CCDC171: variants seen among roughly 807,000 people sequenced by gnomAD.
The protein encoded by CCDC171 is coiled-coil domain-containing protein 171.
A neutral mutation model predicts 168.2 loss-of-function variants in CCDC171; 177 were observed. That is an observed-to-expected ratio of 1.05 (90% CI 0.93 to 1.19). CCDC171 has a LOEUF of 1.19. Among genes scored for constraint, CCDC171 ranks in the 50% most tolerant of loss-of-function variants. The pLI is 0.00. For missense variants in CCDC171, 1,991 were observed against 1,539.0 expected, an observed-to-expected ratio of 1.29 and a Z score of -4.91; for synonymous variants, 687 against 540.8, an observed-to-expected ratio of 1.27 and a Z score of -3.75.
chr9:15,848,877 C>A lies in CCDC171; in HGVS notation c.3414-16C>A, dbSNP rs202202939. 1.8e-5 allele frequency: 27 copies of A among 1,502,744 alleles called. No homozygotes were observed. The African/African-American group carries it at 3.2e-4, about 18-fold the overall frequency. The allele number at this position is 1,502,744 out of a possible 1,614,324, so 93.1% of individuals were successfully genotyped here. ...GGTTTGAGTTTTACTAACACTTAAT[C>A]TTTTATTTTTTCTAGAGACAAAGAA... is the stretch of plus-strand genomic sequence containing the variant. On this transcript the variant is annotated splice_polypyrimidine_tract_variant and intron_variant, in intron 22 of 25. Transcript: ENST00000380701.
rs189950407 is a variant in CCDC171, at chr9:15,615,479, G to A, written c.676-7788G>A. 1.8e-4 allele frequency among the ~76,000 whole-genome samples: 28 copies of A among 152,242 alleles called. No individual in the cohort carries two copies. In the East Asian group the frequency reaches 4.1e-3, roughly 22 times the overall value. On this transcript the variant is annotated intron_variant, in intron 6 of 25. Coordinates refer to ENST00000380701, the MANE Select transcript of CCDC171 (RefSeq NM_173550.4). ...ACTACCAGACCTCTGCATTGAAAAT[G>A]TGATTGTTAGGTCAGAATTTTATCT...
At chr9:15,875,175 T>C (rs1314182751) in intron 24 of CCDC171, 2 of 152,104 alleles carry the variant, frequency 1.3e-5, no homozygotes, top group South Asian at 2.1e-4. Flanking sequence ...CTGTGTTTTC[T>C]ATTGAAGAGT....
chr9:15,590,793 C>G (rs1370493438), intron 4 of CCDC171, among the ~76,000 whole-genome samples: 2 of 142,844 alleles, frequency 1.4e-5, no homozygotes, highest in East Asian at 4.1e-4. Context: ...TTCTTTCTTT[C>G]TTTCTTTCTT....
chr9:16,097,976 T>C, the CCDC171 span, among the ~76,000 whole-genome samples: 2 of 152,208 alleles, frequency 1.3e-5, no homozygotes, highest in African/African-American at 4.8e-5. Context: ...AAATGTTATA[T>C]GGAACTAGCA....
At chr9:15,800,770 A>C (rs1226974039) in intron 21 of CCDC171, among the ~76,000 whole-genome samples, 1 of 152,106 alleles carries the variant, frequency 6.6e-6, no homozygotes, top group African/African-American at 2.4e-5. Context: ...TCTTTAATCC[A>C]TTGTGGTTTT....
At chr9:15,730,641 A>G (rs916014093) in intron 16 of CCDC171, among the ~76,000 whole-genome samples, 3 of 151,816 alleles carry the variant, frequency 2.0e-5, no homozygotes, top group African/African-American at 7.2e-5. Context: ...ATAAATATAT[A>G]TACACACACA....
At position 15,623,502 on chromosome 9, in the gene CCDC171, C is replaced by CACACACACACACAG. The variant is rs1006558906; in HGVS notation, c.822+94_822+95insCACACACAGACACA. On this transcript the variant is annotated intron_variant, in intron 7 of 25. Coordinates refer to ENST00000380701, the MANE Select transcript of CCDC171 (RefSeq NM_173550.4). ...ACACACACACACACACACACACACA[C>CACACACACACACAG]ACACATAAAACCCATTCCGTGATTT... 1.2e-4 allele frequency: 84 copies of CACACACACACACAG among 693,630 alleles called. No homozygotes were observed. The African/African-American group carries it at 1.4e-3, about 12-fold the overall frequency. 43.0% of individuals were successfully genotyped at this position (693,630 alleles called of 1,614,324 possible). A position where few individuals can be genotyped will look rare whatever the true frequency, so the allele number is the denominator to read the frequency against.
intron 4 of CCDC171, among the ~76,000 whole-genome samples, chr9:15,589,108 T>C (rs1208215339): frequency 2.0e-5 from 3 of 152,140 alleles, no homozygotes; most frequent in African/African-American, 7.2e-5. Context: ...TGAAGTGGAT[T>C]GATGGGGGGA....
At chr9:15,958,802 A>G (rs1830069308) in intron 25 of CCDC171, among the ~76,000 whole-genome samples, 2 of 152,096 alleles carry the variant, frequency 1.3e-5, no homozygotes, top group Admixed American at 1.3e-4. Flanking sequence ...GTCCAAGAAG[A>G]CTACCAGTCA....
intron 24 of CCDC171, among the ~76,000 whole-genome samples, chr9:15,913,285 A>G (rs368046541): frequency 6.6e-6 from 1 of 152,286 alleles, no homozygotes; most frequent in East Asian, 1.9e-4. Context: ...GAATTTATCC[A>G]TGTCATCTAG....
At chr9:15,557,727 A>G (rs1393278892) in intron 1 of CCDC171, among the ~76,000 whole-genome samples, 1 of 152,000 alleles carries the variant, frequency 6.6e-6, no homozygotes, top group Non-Finnish European at 1.5e-5. Context: ...AATACCCTTT[A>G]TTTCTTTCTC....
intron 7 of CCDC171, among the ~76,000 whole-genome samples, chr9:15,629,714 A>T (rs1162896658): frequency 6.6e-6 from 1 of 152,328 alleles, no homozygotes; most frequent in East Asian, 1.9e-4. Flanking sequence ...CAACTCTAAG[A>T]CACATAATTG....
Position 15,680,235 on chromosome 9 carries a change from A to G in CCDC171, c.1215+1339A>G, listed in dbSNP as rs367735807. Among the ~76,000 whole-genome samples the G allele has an allele frequency of 9.8e-5, 15 of 152,366 alleles. No individual in the cohort carries two copies. In the East Asian group the frequency reaches 1.5e-3, roughly 16 times the overall value. ...TTTGTTCGATGGATTTATTTGGTTG[A>G]TGCAGAATCCTCTTCTCAGCAGTTT... On this transcript the variant is annotated intron_variant, in intron 10 of 25. Coordinates refer to ENST00000380701, the MANE Select transcript of CCDC171 (RefSeq NM_173550.4).
At chr9:15,897,317 G>A (rs1464995920) in intron 24 of CCDC171, among the ~76,000 whole-genome samples, 2 of 151,872 alleles carry the variant, frequency 1.3e-5, no homozygotes, top group African/African-American at 2.4e-5. Flanking sequence ...GTGGATAATA[G>A]ATGATTTGCT....
At chr9:15,708,001 C>T (rs909674351) in intron 11 of CCDC171, among the ~76,000 whole-genome samples, 3 of 152,172 alleles carry the variant, frequency 2.0e-5, no homozygotes, top group Non-Finnish European at 2.9e-5. Flanking sequence ...GCATCCAGCA[C>T]TACGCCTGGC....
At chr9:16,081,689 C>T in the CCDC171 span, among the ~76,000 whole-genome samples, 1 of 152,072 alleles carries the variant, frequency 6.6e-6, no homozygotes, top group South Asian at 2.1e-4. Flanking sequence ...CTCTGTGGGT[C>T]TAACACATCT....
At chr9:15,667,716 G>A (rs934544955) in intron 9 of CCDC171, among the ~76,000 whole-genome samples, 7 of 152,106 alleles carry the variant, frequency 4.6e-5, no homozygotes, top group South Asian at 2.1e-4. Flanking sequence ...TTTAAATAGC[G>A]GTAATTTTTG....
At chr9:15,832,513 G>T (rs1439555294) in intron 21 of CCDC171, among the ~76,000 whole-genome samples, 1 of 152,178 alleles carries the variant, frequency 6.6e-6, no homozygotes, top group Non-Finnish European at 1.5e-5. Flanking sequence ...TATACTGAAT[G>T]CTGTAGGCAA....
intron 18 of CCDC171, among the ~76,000 whole-genome samples, chr9:15,766,984 G>C (rs2056757929): frequency 1.3e-5 from 2 of 152,116 alleles, no homozygotes; most frequent in South Asian, 4.1e-4. Context: ...ATTTAAAGGA[G>C]GGATGTGTCA....
Sources: allele counts gnomAD v4.1 joint callset (sites outside exome capture counted in the v4.1 genomes callset), GRCh38; gene constraint gnomAD v4.1.1; transcripts MANE v1.5; gene names NCBI Gene and HGNC (gene_info 2026-07-23, HGNC 2026-07-21).